The following PDE7A variants were observed in gnomAD, a reference collection of about 807,000 sequenced individuals.
The protein encoded by PDE7A is phosphodiesterase 7A.
PDE7A carries 39 observed loss-of-function variants against 64.3 expected under a neutral mutation model. The observed-to-expected ratio is 0.61, with a 90% CI of 0.47 to 0.79. The LOEUF is 0.79. Among genes scored for constraint, PDE7A ranks in the 30% least tolerant of loss-of-function variants. The pLI is 0.00. For missense variants in PDE7A, 470 were observed against 582.8 expected (o/e 0.81, Z 1.99); for synonymous variants, 203 against 206.8 (o/e 0.98, Z 0.16).
chr8:65,812,695 C>A (rs1314971493), intron 1 of PDE7A, among the ~76,000 whole-genome samples: 1 of 152,062 alleles, frequency 6.6e-6, no homozygotes, highest in Non-Finnish European at 1.5e-5. Context: ...ATTACTCTTA[C>A]AATGCAACAA....
intron 3 of PDE7A, among the ~76,000 whole-genome samples, chr8:65,766,695 G>T (rs1808803277): frequency 6.6e-6 from 1 of 152,060 alleles, no homozygotes. Context: ...CTCCCAATTT[G>T]TTGGGGCTAC....
At chr8:65,805,406 G>A (rs1179505743) in intron 1 of PDE7A, among the ~76,000 whole-genome samples, 1 of 152,194 alleles carries the variant, frequency 6.6e-6, no homozygotes, top group Non-Finnish European at 1.5e-5. Context: ...ACATTTAATT[G>A]AGCAGCAGAG....
At chr8:65,820,674 C>T (rs1388530154) in intron 1 of PDE7A, among the ~76,000 whole-genome samples, 1 of 152,130 alleles carries the variant, frequency 6.6e-6, no homozygotes, top group African/African-American at 2.4e-5. Context: ...ACTGTAACCT[C>T]TGCCTCCTGG....
intron 3 of PDE7A, among the ~76,000 whole-genome samples, chr8:65,773,858 T>C (rs529053720): frequency 6.6e-6 from 1 of 152,340 alleles, no homozygotes; most frequent in African/African-American, 2.4e-5. Flanking sequence ...GTTATATTTT[T>C]CGAATTCTCT....
chr8:65,760,681 T>C (rs1182943725), intron 3 of PDE7A, among the ~76,000 whole-genome samples: 3 of 152,216 alleles, frequency 2.0e-5, no homozygotes, highest in Non-Finnish European at 4.4e-5. Context: ...TTCTTCATGT[T>C]TACTCCACAC....
chr8:65,749,405 T>C (rs1807830766), intron 3 of PDE7A, among the ~76,000 whole-genome samples: 1 of 152,212 alleles, frequency 6.6e-6, no homozygotes, highest in Non-Finnish European at 1.5e-5. Context: ...GATTTACTTC[T>C]CCCATTTTTC....
intron 3 of PDE7A, among the ~76,000 whole-genome samples, chr8:65,767,084 T>C (rs1416463541): frequency 3.3e-5 from 5 of 152,172 alleles, no homozygotes; most frequent in African/African-American, 1.2e-4. Context: ...AAAAAAGGTA[T>C]ATATTAAATA....
intron 6 of PDE7A, among the ~76,000 whole-genome samples, chr8:65,737,668 GC>G (rs1035548449): frequency 6.6e-6 from 1 of 152,026 alleles, no homozygotes; most frequent in Non-Finnish European, 1.5e-5. Context: ...ACAGGCACAT[GC>G]CTCCACACCC....
At chr8:65,819,309 A>C (rs1810484066) in intron 1 of PDE7A, among the ~76,000 whole-genome samples, 1 of 152,174 alleles carries the variant, frequency 6.6e-6, no homozygotes, top group Non-Finnish European at 1.5e-5. Context: ...AGGAGGGAGG[A>C]TCACTTAAGC....
intron 3 of PDE7A, among the ~76,000 whole-genome samples, chr8:65,769,601 A>C (rs906722556): frequency 3.9e-5 from 6 of 152,234 alleles, no homozygotes; most frequent in African/African-American, 9.6e-5. Context: ...TTAATTAACA[A>C]ATATGTGATC....
chr8:65,738,598 T>G (rs1807256899), intron 6 of PDE7A, among the ~76,000 whole-genome samples: 1 of 151,958 alleles, frequency 6.6e-6, no homozygotes, highest in Non-Finnish European at 1.5e-5. Flanking sequence ...CCTGGGTAAT[T>G]TTTTTGTATT....
At chr8:65,798,018 A>G (rs1014081006) in intron 1 of PDE7A, among the ~76,000 whole-genome samples, 1 of 150,428 alleles carries the variant, frequency 6.6e-6, no homozygotes, top group Non-Finnish European at 1.5e-5. Flanking sequence ...ACTTCACTAA[A>G]ACTAAAAACC....
At chr8:65,748,853 A>G (rs1258978962) in intron 3 of PDE7A, among the ~76,000 whole-genome samples, 1 of 152,244 alleles carries the variant, frequency 6.6e-6, no homozygotes, top group Non-Finnish European at 1.5e-5. Flanking sequence ...AATAGTAGCC[A>G]TGTCGAGGGT....
intron 1 of PDE7A, among the ~76,000 whole-genome samples, chr8:65,809,353 A>G (rs1000825852): frequency 6.6e-6 from 1 of 152,194 alleles, no homozygotes; most frequent in Non-Finnish European, 1.5e-5. Flanking sequence ...TAACAGGTTA[A>G]TTTGCTCAGT....
chr8:65,737,385 C>T (rs1343267519), intron 6 of PDE7A, among the ~76,000 whole-genome samples: 1 of 152,010 alleles, frequency 6.6e-6, no homozygotes, highest in African/African-American at 2.4e-5. Flanking sequence ...GCTACTGGGG[C>T]TACTCACACT....
chr8:65,791,489 C>T (rs1023168150), intron 1 of PDE7A, among the ~76,000 whole-genome samples: 1 of 152,232 alleles, frequency 6.6e-6, no homozygotes, highest in Non-Finnish European at 1.5e-5. Context: ...CTAGACCTAA[C>T]TGCAATCACA....
intron 12 of PDE7A, 179 bp downstream of exon 12, chr8:65,723,362 T>C: frequency 2.0e-6 from 1 of 497,112 alleles, no homozygotes; most frequent in Middle Eastern, 6.7e-4. Flanking sequence ...TTTTACATCC[T>C]AAAATTAAAT....
intron 3 of PDE7A, among the ~76,000 whole-genome samples, chr8:65,773,536 T>C (rs189135582): frequency 1.3e-5 from 2 of 152,188 alleles, no homozygotes; most frequent in Admixed American, 6.5e-5. Flanking sequence ...TACCAAAACC[T>C]CAAGCCCGGT....
chr8:65,818,354 GTTTT>G (rs563784649), intron 1 of PDE7A, among the ~76,000 whole-genome samples: 2 of 151,908 alleles, frequency 1.3e-5, no homozygotes, highest in African/African-American at 4.8e-5. Flanking sequence ...TTGCCATTTT[GTTTT>G]TTTGTTTAGC....
Sources: gnomAD v4.1 joint callset for allele counts (sites outside exome capture counted in the v4.1 genomes callset) on GRCh38, gnomAD v4.1.1 for gene constraint, MANE v1.5 for transcripts, NCBI Gene and HGNC (gene_info 2026-07-23, HGNC 2026-07-21) for gene names.